CDH9: variants seen among roughly 807,000 people sequenced by gnomAD.
CDH9 encodes the protein cadherin-9.
A neutral mutation model predicts 70.9 loss-of-function variants in CDH9; 28 were observed. The observed-to-expected ratio is 0.40, with a 90% CI of 0.29 to 0.54. CDH9 has a LOEUF of 0.54. CDH9 is among the 20% of genes least tolerant of loss of function. The pLI, the probability that CDH9 is intolerant of heterozygous loss-of-function variation, is 0.59. For synonymous variants in CDH9, 409 were observed against 343.1 expected, an observed-to-expected ratio of 1.19 and a Z score of -2.12; for missense variants, 874 against 984.4, an observed-to-expected ratio of 0.89 and a Z score of 1.50.
At chr5:26,979,920 T>C (rs1223822844) in intron 2 of CDH9, among the ~76,000 whole-genome samples, 1 of 151,844 alleles carries the variant, frequency 6.6e-6, no homozygotes, top group African/African-American at 2.4e-5. Context: ...GAAACATTTT[T>C]AAATGGAGCA....
intron 2 of CDH9, among the ~76,000 whole-genome samples, chr5:26,927,923 T>C (rs1010712103): frequency 9.9e-5 from 15 of 152,194 alleles, no homozygotes; most frequent in Non-Finnish European, 1.3e-4. Flanking sequence ...GGGCACTGTT[T>C]ACCCCTGCTC....
intron 2 of CDH9, among the ~76,000 whole-genome samples, chr5:26,948,052 A>G (rs1741783367): frequency 6.6e-6 from 1 of 152,084 alleles, no homozygotes; most frequent in African/African-American, 2.4e-5. Flanking sequence ...CCCCACCTTC[A>G]GGGAAGTGCT....
At chr5:27,010,092 T>G (rs1001659327) in intron 1 of CDH9, among the ~76,000 whole-genome samples, 1 of 152,098 alleles carries the variant, frequency 6.6e-6, no homozygotes, top group African/African-American at 2.4e-5. Flanking sequence ...ATGAGATCTA[T>G]CCTGTTAACA....
intron 2 of CDH9, among the ~76,000 whole-genome samples, chr5:26,968,751 C>T (rs1030204402): frequency 6.6e-6 from 1 of 151,062 alleles, no homozygotes; most frequent in African/African-American, 2.5e-5. Context: ...TTCTAGAATT[C>T]AAAGAGGGAG....
chr5:26,921,989 C>G lies in CDH9; in HGVS notation c.229-6065G>C, dbSNP rs979096054. Among the ~76,000 whole-genome samples the G allele has an allele frequency of 2.1e-5, 3 of 146,338 alleles. No homozygotes were observed. In the East Asian group the frequency reaches 6.0e-4, roughly 29 times the overall value. ...TTGATTAAACAGAAGAAACAATTAG[C>G]TTGAAGACAGGCTATTTGAAAAAAC... On this transcript the variant is annotated intron_variant, in intron 2 of 11. Transcript: ENST00000231021.
At chr5:26,991,880 G>T (rs2112095612) in intron 1 of CDH9, among the ~76,000 whole-genome samples, 1 of 152,202 alleles carries the variant, frequency 6.6e-6, no homozygotes, top group South Asian at 2.1e-4. Context: ...AAATAAAGAA[G>T]TAATTTTTAT....
intron 2 of CDH9, among the ~76,000 whole-genome samples, chr5:26,926,733 G>T (rs1454005918): frequency 6.6e-6 from 1 of 151,894 alleles, no homozygotes. Flanking sequence ...CATGGTACTG[G>T]TACCAAAACA....
chr5:26,986,822 A>T (rs897503724), intron 2 of CDH9, among the ~76,000 whole-genome samples: 2 of 152,078 alleles, frequency 1.3e-5, no homozygotes, highest in Admixed American at 6.6e-5. Context: ...ATGCCTGAGG[A>T]TGCCATATGA....
intron 7 of CDH9, among the ~76,000 whole-genome samples, chr5:26,893,333 C>T (rs969057498): frequency 6.6e-6 from 1 of 152,096 alleles, no homozygotes; most frequent in East Asian, 1.9e-4. Context: ...GGTGTCATCT[C>T]AGTGGTGGAA....
intron 2 of CDH9, among the ~76,000 whole-genome samples, chr5:26,944,789 T>C (rs1741720646): frequency 6.6e-6 from 1 of 152,210 alleles, no homozygotes. Flanking sequence ...TTTACTTATA[T>C]TTCCAAAAAT....
chr5:26,881,331 T>C lies in CDH9; in HGVS notation c.2175A>G (p.Ala725=). 6.2e-7 allele frequency: 1 copy of C among 1,613,310 alleles called. No homozygotes were observed. The highest frequency in any genetic ancestry group is 8.5e-7 in the Non-Finnish European group (1 of 1,179,384). The part of the protein sequence containing the change: ...FIHRRLKEND[A]DPSAPPYDSL... ...AATCATATGGAGGTGCACTTGGGTCTGCGTCGTTTTCTTTTAATCTTCGAT... is the reference window on the plus strand; with the variant it reads ...AATCATATGGAGGTGCACTTGGGTCCGCGTCGTTTTCTTTTAATCTTCGAT... Residue 725 remains alanine, a synonymous_variant, in exon 12 of 12, where the codon GCA becomes GCG. Coordinates refer to ENST00000231021, the MANE Select transcript of CDH9 (RefSeq NM_016279.4).
chr5:27,025,461 A>G (rs1411616305), intron 1 of CDH9, among the ~76,000 whole-genome samples: 4 of 152,044 alleles, frequency 2.6e-5, no homozygotes, highest in Non-Finnish European at 2.9e-5. Context: ...AGTACAATTA[A>G]CTCAGAAAGC....
intron 2 of CDH9, 124 bp downstream of exon 2, chr5:26,987,982 T>C: frequency 1.5e-6 from 1 of 683,210 alleles, no homozygotes; most frequent in Non-Finnish European, 2.4e-6. Context: ...GTTTGCAATA[T>C]CACACCTTCA....
intron 8 of CDH9, 96 bp from the exon 9 acceptor site, chr5:26,890,053 G>C (rs756470787): frequency 5.2e-5 from 59 of 1,137,306 alleles, no homozygotes; most frequent in Non-Finnish European, 7.1e-5. Flanking sequence ...CCTTTTTGTG[G>C]TGTTCACTTT....
At chr5:26,933,127 A>G (rs1001009167) in intron 2 of CDH9, among the ~76,000 whole-genome samples, 2 of 147,438 alleles carry the variant, frequency 1.4e-5, no homozygotes, top group African/African-American at 2.5e-5. Flanking sequence ...AAAAATATAA[A>G]TATAGTTATA....
intron 7 of CDH9, among the ~76,000 whole-genome samples, chr5:26,896,926 A>G (rs1209108305): frequency 1.3e-5 from 2 of 152,076 alleles, no homozygotes; most frequent in African/African-American, 4.8e-5. Context: ...CACTTGCCAG[A>G]CTAATAAAGA....
chr5:26,888,639 C>T (rs10942215), intron 9 of CDH9, among the ~76,000 whole-genome samples: 49,456 of 152,032 alleles, frequency 0.33, 8,593 homozygotes, highest in Middle Eastern at 0.51. Context: ...GTGGAATGTA[C>T]TGTGTATCTC....
At chr5:27,034,890 C>A (rs919649482) in intron 1 of CDH9, among the ~76,000 whole-genome samples, 2 of 151,442 alleles carry the variant, frequency 1.3e-5, no homozygotes, top group African/African-American at 4.8e-5. Flanking sequence ...ACTGTACACT[C>A]CTTACCATAT....
At chr5:26,987,199 A>C (rs904911156) in intron 2 of CDH9, among the ~76,000 whole-genome samples, 6 of 150,046 alleles carry the variant, frequency 4.0e-5, no homozygotes, top group Non-Finnish European at 7.4e-5. Flanking sequence ...CCAAGTACAT[A>C]TATGCCATGA....
Sources: gnomAD v4.1 joint callset for allele counts (sites outside exome capture counted in the v4.1 genomes callset) on GRCh38, gnomAD v4.1.1 for gene constraint, MANE v1.5 for transcripts, NCBI Gene and HGNC (gene_info 2026-07-23, HGNC 2026-07-21) for gene names.